Variants in ROBO1 observed in about 807,000 individuals in gnomAD.
ROBO1 encodes the protein roundabout guidance receptor 1.
In ROBO1, 149 loss-of-function variants were observed where a neutral mutation model predicts 195.9. That is an observed-to-expected ratio of 0.76 (90% CI 0.67 to 0.87). The LOEUF is 0.87. ROBO1 is among the 40% of genes least tolerant of loss of function. The pLI, the probability that ROBO1 is intolerant of heterozygous loss-of-function variation, is 0.00. For missense variants in ROBO1, 1,933 were observed against 2,068.3 expected (o/e 0.93, Z 1.27); for synonymous variants, 816 against 733.2 (o/e 1.11, Z -1.82).
At chr3:78,747,778 T>C (rs2082692679) in intron 4 of ROBO1, among the ~76,000 whole-genome samples, 1 of 152,202 alleles carries the variant, frequency 6.6e-6, no homozygotes, top group Admixed American at 6.5e-5. Context: ...TAGAATTAAA[T>C]GTGGAAAAGA....
At chr3:79,229,500 G>A (rs2082285079) in intron 2 of ROBO1, among the ~76,000 whole-genome samples, 1 of 152,112 alleles carries the variant, frequency 6.6e-6, no homozygotes, top group South Asian at 2.1e-4. Context: ...AGGATAGAGT[G>A]CAGTGGTGTG....
At chr3:78,877,868 T>G (rs191757716) in intron 4 of ROBO1, among the ~76,000 whole-genome samples, 3 of 152,332 alleles carry the variant, frequency 2.0e-5, no homozygotes, top group Admixed American at 6.5e-5. Flanking sequence ...TGTCTCACAC[T>G]TCTTGAATTT....
intron 4 of ROBO1, among the ~76,000 whole-genome samples, chr3:78,812,551 C>T (rs940561552): frequency 3.9e-5 from 6 of 152,082 alleles, no homozygotes; most frequent in Non-Finnish European, 7.4e-5. Flanking sequence ...AATAAATATC[C>T]TGGTACTTGG....
chr3:79,537,368 T>C (rs1202561748), intron 2 of ROBO1, among the ~76,000 whole-genome samples: 1 of 152,120 alleles, frequency 6.6e-6, no homozygotes, highest in African/African-American at 2.4e-5. Flanking sequence ...AGTTACCCTG[T>C]GGATATCTGG....
At chr3:78,768,380 T>G (rs1439749875) in intron 4 of ROBO1, among the ~76,000 whole-genome samples, 1 of 151,768 alleles carries the variant, frequency 6.6e-6, no homozygotes, top group Non-Finnish European at 1.5e-5. Flanking sequence ...AATAAGAAAA[T>G]AAAGTGAGGA....
chr3:78,751,521 A>T (rs1178746795), intron 4 of ROBO1, among the ~76,000 whole-genome samples: 3 of 151,934 alleles, frequency 2.0e-5, no homozygotes, highest in African/African-American at 7.2e-5. Context: ...TGTAAAGAAC[A>T]CTCCTCTACC....
chr3:78,948,306 C>T (rs1389075702), intron 3 of ROBO1, among the ~76,000 whole-genome samples: 2 of 152,264 alleles, frequency 1.3e-5, no homozygotes, highest in Middle Eastern at 3.4e-3. Context: ...AATCAAAAAG[C>T]TTATCCACCA....
chr3:79,361,726 T>C (rs1559845326), intron 2 of ROBO1, among the ~76,000 whole-genome samples: 1 of 152,110 alleles, frequency 6.6e-6, no homozygotes, highest in African/African-American at 2.4e-5. Context: ...AACAGATATT[T>C]ACACATATGA....
At chr3:79,732,978 T>C (rs1703218039) in intron 1 of ROBO1, among the ~76,000 whole-genome samples, 1 of 152,150 alleles carries the variant, frequency 6.6e-6, no homozygotes, top group African/African-American at 2.4e-5. Context: ...CGACATTATT[T>C]CCGAAACCCA....
At chr3:79,487,751 T>A (rs200391774) in intron 2 of ROBO1, among the ~76,000 whole-genome samples, 6 of 152,156 alleles carry the variant, frequency 3.9e-5, no homozygotes, top group African/African-American at 1.2e-4. Flanking sequence ...TATGGGAACA[T>A]ACCATTACTC....
intron 2 of ROBO1, among the ~76,000 whole-genome samples, chr3:79,331,938 C>T (rs921675380): frequency 6.6e-6 from 1 of 151,958 alleles, no homozygotes; most frequent in Non-Finnish European, 1.5e-5. Context: ...GTCAGGAGAT[C>T]GAGACCATCC....
At chr3:78,882,226 T>C (rs144195390) in intron 4 of ROBO1, among the ~76,000 whole-genome samples, 82 of 152,288 alleles carry the variant, frequency 5.4e-4, no homozygotes, top group Non-Finnish European at 1.1e-3. Context: ...GAGTCTAGTA[T>C]GAATGCTAAA....
At chr3:79,761,440 G>A (rs1704693460) in intron 1 of ROBO1, among the ~76,000 whole-genome samples, 1 of 152,094 alleles carries the variant, frequency 6.6e-6, no homozygotes, top group Non-Finnish European at 1.5e-5. Context: ...CAATCTGGAA[G>A]AGTACCCAGA....
intron 1 of ROBO1, among the ~76,000 whole-genome samples, chr3:79,599,555 T>C (rs918412934): frequency 2.0e-5 from 3 of 151,958 alleles, no homozygotes; most frequent in African/African-American, 7.2e-5. Context: ...CTAGTGTAGC[T>C]ACTATAATCA....
chr3:79,279,472 T>C (rs1461688061), intron 2 of ROBO1, among the ~76,000 whole-genome samples: 1 of 151,932 alleles, frequency 6.6e-6, no homozygotes, highest in Non-Finnish European at 1.5e-5. Flanking sequence ...AAATAGCAAA[T>C]GGTGGCAAGG....
intron 2 of ROBO1, among the ~76,000 whole-genome samples, chr3:79,341,655 T>C (rs2034911295): frequency 6.6e-6 from 1 of 152,136 alleles, no homozygotes; most frequent in Non-Finnish European, 1.5e-5. Flanking sequence ...CTACTGATTT[T>C]TTATGTTCTA....
At chr3:78,955,293 A>T (rs1560044747) in intron 3 of ROBO1, among the ~76,000 whole-genome samples, 1 of 151,964 alleles carries the variant, frequency 6.6e-6, no homozygotes, top group South Asian at 2.1e-4. Flanking sequence ...TTTGGTGTAC[A>T]GATTATTTCA....
At chr3:78,803,851 T>A (rs1310981323) in intron 4 of ROBO1, among the ~76,000 whole-genome samples, 3 of 152,112 alleles carry the variant, frequency 2.0e-5, no homozygotes, top group Non-Finnish European at 4.4e-5. Flanking sequence ...ACAACAAAAC[T>A]ATTGGCACCA....
At position 78,874,763 on chromosome 3, in the gene ROBO1, C is replaced by G. The variant is rs181350803; in HGVS notation, c.499+63838G>C. ...TAAGTAATTCTTTTCTATAACAGAT[C>G]AAAATCTCAGTGAAAATTCATAAAC... On this transcript the variant is annotated intron_variant, in intron 4 of 30. Coordinates refer to ENST00000464233, the MANE Select transcript of ROBO1 (RefSeq NM_002941.4). 2.1e-3 allele frequency among the ~76,000 whole-genome samples: 323 copies of G among 151,952 alleles called. 1 individual carries two copies. Among genetic ancestry groups the G allele is most frequent in the African/African-American group, 7.4e-3 (308 of 41,536 alleles).
Sources: gnomAD v4.1 joint callset for allele counts (sites outside exome capture counted in the v4.1 genomes callset) on GRCh38, gnomAD v4.1.1 for gene constraint, MANE v1.5 for transcripts, NCBI Gene and HGNC (gene_info 2026-07-23, HGNC 2026-07-21) for gene names.